The following BICD1 variants were observed in gnomAD, a reference collection of about 807,000 sequenced individuals.
BICD1 encodes the protein BICD cargo adaptor 1, also known as protein bicaudal D homolog 1.
Under a neutral mutation model 92.5 loss-of-function variants are expected in BICD1, and 35 were observed. That is an observed-to-expected ratio of 0.38 (90% CI 0.29 to 0.50). The LOEUF (loss-of-function observed/expected upper bound fraction) is 0.50, where lower values mean the gene tolerates loss of function less well. Among genes scored for constraint, BICD1 ranks in the 20% least tolerant of loss-of-function variants. The pLI is 0.93. For missense variants in BICD1, 950 were observed against 1,189.8 expected (o/e 0.80, Z 2.97); for synonymous variants, 429 against 465.1 (o/e 0.92, Z 1.00).
chr12:32,171,967 AC>A (rs1943956232), intron 1 of BICD1, among the ~76,000 whole-genome samples: 1 of 149,494 alleles, frequency 6.7e-6, no homozygotes, highest in East Asian at 2.1e-4. Context: ...ACACACACAC[AC>A]ACACACACAC....
chr12:32,122,855 G>A (rs1452440633), intron 1 of BICD1, among the ~76,000 whole-genome samples: 2 of 152,236 alleles, frequency 1.3e-5, no homozygotes, highest in African/African-American at 4.8e-5. Context: ...TGTGATGCCA[G>A]TGTGATTCAG....
chr12:32,181,828 T>G (rs1218107944), intron 1 of BICD1, among the ~76,000 whole-genome samples: 1 of 152,052 alleles, frequency 6.6e-6, no homozygotes, highest in African/African-American at 2.4e-5. Context: ...TTTCTCCTTA[T>G]GCCTGTGTGT....
intron 1 of BICD1, among the ~76,000 whole-genome samples, chr12:32,114,991 T>A (rs1013185741): frequency 6.6e-6 from 1 of 152,190 alleles, no homozygotes; most frequent in Non-Finnish European, 1.5e-5. Flanking sequence ...TTAGCATTTT[T>A]AATTTAAGTG....
rs1441784370 is a variant in BICD1, at chr12:32,250,328, G to A, written c.426+33869G>A. 2.0e-5 allele frequency among the ~76,000 whole-genome samples: 3 copies of A among 152,146 alleles called. No homozygotes were observed. The South Asian group carries it at 6.2e-4, about 32-fold the overall frequency. On this transcript the variant is annotated intron_variant, in intron 2 of 9. Transcript: ENST00000652176. ...TGACGATAATACCTACCTCAGTGGG[G>A]TTATTGTGAGGATAAAATGCGATTA...
chr12:32,252,759 G>A (rs1227103756), intron 2 of BICD1, among the ~76,000 whole-genome samples: 1 of 152,188 alleles, frequency 6.6e-6, no homozygotes, highest in Non-Finnish European at 1.5e-5. Flanking sequence ...GCTTGTTAAT[G>A]CCTTATAGCT....
intron 8 of BICD1, 165 bp from the exon 9 acceptor site, chr12:32,367,505 T>C: frequency 3.6e-6 from 2 of 553,846 alleles, no homozygotes; most frequent in Non-Finnish European, 6.2e-6. Context: ...GCCTGTCTTT[T>C]CTATTGGCAT....
At chr12:32,321,071 A>T (rs1396263640) in intron 4 of BICD1, among the ~76,000 whole-genome samples, 1 of 152,196 alleles carries the variant, frequency 6.6e-6, no homozygotes, top group African/African-American at 2.4e-5. Context: ...CACGCCTGTA[A>T]TCCCAGCACT....
At chr12:32,175,558 C>A (rs1001768667) in intron 1 of BICD1, among the ~76,000 whole-genome samples, 1 of 152,122 alleles carries the variant, frequency 6.6e-6, no homozygotes, top group Non-Finnish European at 1.5e-5. Flanking sequence ...CTCGGGTGAT[C>A]CACCCACCTC....
At chr12:32,289,630 A>C (rs1254600138) in intron 2 of BICD1, among the ~76,000 whole-genome samples, 1 of 152,166 alleles carries the variant, frequency 6.6e-6, no homozygotes, top group African/African-American at 2.4e-5. Flanking sequence ...TGATCCGCCC[A>C]CCTTGGCCTC....
chr12:32,149,732 C>T (rs1214912737), intron 1 of BICD1, among the ~76,000 whole-genome samples: 1 of 152,116 alleles, frequency 6.6e-6, no homozygotes, highest in African/African-American at 2.4e-5. Flanking sequence ...AAGGCATCAG[C>T]AGATTCAGTG....
rs1166838155 is a variant in BICD1, at chr12:32,378,666, T to C, written c.*1039T>C. 6.6e-6 allele frequency: 1 copy of C among 152,234 alleles called. No individual in the cohort carries two copies. Among genetic ancestry groups the C allele is most frequent in the Non-Finnish European group, 1.5e-5 (1 of 68,036 alleles). 9.4% of individuals were successfully genotyped at this position (152,234 alleles called of 1,614,324 possible). A position where few individuals can be genotyped will look rare whatever the true frequency, so the allele number is the denominator to read the frequency against. On this transcript the variant is annotated 3_prime_UTR_variant, in exon 10 of 10. Transcript: ENST00000652176. ...ACATATATAGATGTAAGATAGCCTT[T>C]AATTAATTAATTTACCCAGAGAGTG...
At chr12:32,319,362 G>A (rs1410682171) in intron 4 of BICD1, among the ~76,000 whole-genome samples, 5 of 152,032 alleles carry the variant, frequency 3.3e-5, no homozygotes, top group Non-Finnish European at 5.9e-5. Flanking sequence ...TGTGGTTTTT[G>A]TCATGTATTC....
intron 2 of BICD1, among the ~76,000 whole-genome samples, chr12:32,276,436 C>T (rs1024090944): frequency 3.9e-5 from 6 of 152,160 alleles, no homozygotes; most frequent in African/African-American, 1.2e-4. Flanking sequence ...CCTTTAAACA[C>T]GGGGCTTGCA....
chr12:32,232,481 G>T (rs1268841374), intron 2 of BICD1, among the ~76,000 whole-genome samples: 1 of 150,224 alleles, frequency 6.7e-6, no homozygotes, highest in Non-Finnish European at 1.5e-5. Flanking sequence ...GCAGATTCTG[G>T]ATATCAGCCC....
intron 1 of BICD1, among the ~76,000 whole-genome samples, chr12:32,121,734 T>TCAAA (rs553953485): frequency 1.3e-5 from 2 of 151,890 alleles, no homozygotes; most frequent in Non-Finnish European, 2.9e-5. Context: ...AGACTCTATC[T>TCAAA]CAAACAAACA....
chr12:32,121,817 T>A (rs1291373330), intron 1 of BICD1, among the ~76,000 whole-genome samples: 7 of 150,470 alleles, frequency 4.7e-5, no homozygotes, highest in Admixed American at 2.0e-4. Context: ...GTCAAATTTT[T>A]TTTTTTTTTT....
At chr12:32,339,178 C>G (rs1295672169) in intron 8 of BICD1, 199 bp downstream of exon 8, 1 of 1,295,984 alleles carries the variant, frequency 7.7e-7, no homozygotes, top group Admixed American at 4.3e-5. Context: ...TGACAGACTT[C>G]CATTTAACAG....
chr12:32,305,106 A>G (rs1455077980), intron 3 of BICD1, among the ~76,000 whole-genome samples: 1 of 152,174 alleles, frequency 6.6e-6, no homozygotes, highest in East Asian at 1.9e-4. Context: ...GTTCTTTCAG[A>G]TTCTGTCTAT....
chr12:32,121,751 CAAAG>C (rs1225765895), intron 1 of BICD1, among the ~76,000 whole-genome samples: 2 of 151,654 alleles, frequency 1.3e-5, no homozygotes, highest in Non-Finnish European at 2.9e-5. Flanking sequence ...AACAAACAAA[CAAAG>C]AAAACCTACG....
Sources: gnomAD v4.1 joint callset for allele counts (sites outside exome capture counted in the v4.1 genomes callset) on GRCh38, gnomAD v4.1.1 for gene constraint, MANE v1.5 for transcripts, NCBI Gene and HGNC (gene_info 2026-07-23, HGNC 2026-07-21) for gene names.